The following CTNNA2 variants were observed in gnomAD, a reference collection of about 807,000 sequenced individuals.
CTNNA2 encodes catenin alpha 2, also known as catenin alpha-2.
A neutral mutation model predicts 101.0 loss-of-function variants in CTNNA2; 42 were observed. That is an observed-to-expected ratio of 0.42 (90% CI 0.32 to 0.54). CTNNA2 has a LOEUF of 0.54. CTNNA2 is among the 20% of genes least tolerant of loss of function. CTNNA2 has a pLI of 0.14. For missense variants in CTNNA2, 871 were observed against 1,223.1 expected (o/e 0.71, Z 4.29); for synonymous variants, 450 against 456.4 (o/e 0.99, Z 0.18).
chr2:80,619,090 A>G lies in CTNNA2; in HGVS notation c.2436A>G (p.Gly812=), dbSNP rs1405911149. The G allele has an allele frequency of 6.0e-6, 9 of 1,495,262 alleles. No individual in the cohort carries two copies. Among genetic ancestry groups the G allele is most frequent in the Non-Finnish European group, 8.9e-7 (1 of 1,119,214 alleles). The allele number at this position is 1,495,262 out of a possible 1,614,324, so 92.6% of individuals were successfully genotyped here. Residue 812 remains glycine (G), a synonymous_variant, in exon 18 of 19, where the codon GGA becomes GGG. Transcript: ENST00000402739. The stretch of plus-strand genomic sequence containing the variant: ...CTGTATCTCTCGGAAATCAGACAGG[A>G]GTTCAGAGCACTTTCACTACCTTTT... ...LGGELIVSGT[G]VQSTFTTFYE...
chr2:80,446,458 CTT>C (rs1460837489), intron 9 of CTNNA2, among the ~76,000 whole-genome samples: 1 of 152,204 alleles, frequency 6.6e-6, no homozygotes, highest in African/African-American at 2.4e-5. Flanking sequence ...AGAATATAAT[CTT>C]TTAAGTCTGT....
At chr2:79,433,047 G>A (rs1005831553) in intron 4 of CTNNA2, among the ~76,000 whole-genome samples, 10 of 152,280 alleles carry the variant, frequency 6.6e-5, no homozygotes, top group Admixed American at 1.3e-4. Flanking sequence ...CACAGAAGCC[G>A]ATGCCAGCAT....
At chr2:79,870,698 G>A (rs1310289736) in intron 5 of CTNNA2, among the ~76,000 whole-genome samples, 1 of 152,182 alleles carries the variant, frequency 6.6e-6, no homozygotes, top group Admixed American at 6.5e-5. Context: ...AATCATGGTG[G>A]AAGGGGAAGT....
At chr2:79,892,491 C>A (rs556844637) in intron 6 of CTNNA2, among the ~76,000 whole-genome samples, 1 of 151,656 alleles carries the variant, frequency 6.6e-6, no homozygotes, top group East Asian at 1.9e-4. Context: ...CTTTCTTTTC[C>A]GTATTTTATG....
At chr2:79,533,127 T>G (rs1377343524) in intron 1 of CTNNA2, among the ~76,000 whole-genome samples, 1 of 151,886 alleles carries the variant, frequency 6.6e-6, no homozygotes, top group Non-Finnish European at 1.5e-5. Context: ...TCTGATCCCT[T>G]AAAATGCTTC....
intron 18 of CTNNA2, among the ~76,000 whole-genome samples, chr2:80,622,773 T>C (rs1671263851): frequency 6.6e-6 from 1 of 151,778 alleles, no homozygotes; most frequent in African/African-American, 2.4e-5. Flanking sequence ...TCCAAGTTAT[T>C]ACCTTGGCCA....
chr2:79,849,175 C>T (rs1007904194), intron 3 of CTNNA2, among the ~76,000 whole-genome samples: 1 of 151,926 alleles, frequency 6.6e-6, no homozygotes, highest in African/African-American at 2.4e-5. Context: ...TCTGGAAAAA[C>T]CTAAAGAATG....
At chr2:79,186,922 A>C (rs1460533955) in intron 1 of CTNNA2, among the ~76,000 whole-genome samples, 1 of 152,140 alleles carries the variant, frequency 6.6e-6, no homozygotes, top group Non-Finnish European at 1.5e-5. Context: ...CTAGGCTGAA[A>C]ATTCAGTAAG....
chr2:79,612,042 A>G (rs1678311753), intron 1 of CTNNA2, among the ~76,000 whole-genome samples: 1 of 152,152 alleles, frequency 6.6e-6, no homozygotes, highest in Non-Finnish European at 1.5e-5. Flanking sequence ...ACTGTGCACT[A>G]AATGTTATTC....
At chr2:80,312,496 G>A (rs1160603613) in intron 7 of CTNNA2, among the ~76,000 whole-genome samples, 1 of 152,192 alleles carries the variant, frequency 6.6e-6, no homozygotes, top group East Asian at 1.9e-4. Flanking sequence ...GAACAGATGT[G>A]AACTACTGAT....
Position 79,216,808 on chromosome 2 carries a change from G to A in CTNNA2, c.-406+18732G>A, listed in dbSNP as rs1674267460. 5.9e-5 allele frequency among the ~76,000 whole-genome samples: 9 copies of A among 152,022 alleles called. No individual in the cohort carries two copies. The South Asian group carries it at 1.9e-3, about 32-fold the overall frequency. ...AGCAGAGAAGGGGTAGAGACATGGA[G>A]AGAAGGGGTTGGGGGGTTCATGCCC... On this transcript the variant is annotated intron_variant, in intron 2 of 21. Coordinates refer to the CTNNA2 transcript ENST00000466387.
chr2:80,433,864 T>G (rs768997314), intron 9 of CTNNA2, among the ~76,000 whole-genome samples: 8 of 152,226 alleles, frequency 5.3e-5, no homozygotes, highest in Non-Finnish European at 1.2e-4. Context: ...CCTGATAGTT[T>G]TCAGGGGAAA....
chr2:79,251,950 G>T (rs1674777358), intron 2 of CTNNA2, among the ~76,000 whole-genome samples: 1 of 152,226 alleles, frequency 6.6e-6, no homozygotes, highest in African/African-American at 2.4e-5. Flanking sequence ...TGGAAAATAT[G>T]ATGGAAGTGG....
rs1170921994 is a variant in CTNNA2, at chr2:79,277,920, TGTGAGTGAGGAACAACTAAG to T, written c.-405-34788_-405-34769del. On this transcript the variant is annotated intron_variant, in intron 2 of 21. Transcript: ENST00000466387. ...TCCAAAGCCCTCTAGAGGTTGCAAA[TGTGAGTGAGGAACAACTAAG>T]ATGGTCTGCTCTGGGCTACTGCTGC... Among the ~76,000 whole-genome samples the T allele has an allele frequency of 5.3e-5, 8 of 152,204 alleles. No individual in the cohort carries two copies. In the East Asian group the frequency reaches 1.5e-3, roughly 29 times the overall value.
At chr2:79,636,265 G>T (rs1451767089) in intron 1 of CTNNA2, among the ~76,000 whole-genome samples, 1 of 70,702 alleles carries the variant, frequency 1.4e-5, no homozygotes. Context: ...GTGAGACTCT[G>T]TCTCAAAAAA....
chr2:80,061,714 T>G (rs761305253), intron 7 of CTNNA2, among the ~76,000 whole-genome samples: 44 of 152,202 alleles, frequency 2.9e-4, no homozygotes, highest in Non-Finnish European at 5.1e-4. Context: ...ACTGCAAATA[T>G]TTAAATTTGT....
chr2:79,592,708 T>C (rs1676941213), intron 1 of CTNNA2, among the ~76,000 whole-genome samples: 1 of 152,192 alleles, frequency 6.6e-6, no homozygotes, highest in African/African-American at 2.4e-5. Context: ...TTATAATCCA[T>C]GTAGCAAAAA....
chr2:79,941,307 T>G (rs1688143852), intron 7 of CTNNA2, among the ~76,000 whole-genome samples: 1 of 152,202 alleles, frequency 6.6e-6, no homozygotes. Context: ...TTAACTCTAC[T>G]ATTTCAGGAC....
intron 7 of CTNNA2, among the ~76,000 whole-genome samples, chr2:80,093,666 G>GT (rs1244799018): frequency 3.4e-5 from 5 of 147,490 alleles, no homozygotes; most frequent in African/African-American, 1.3e-4. Flanking sequence ...TCCAGCACCT[G>GT]TTTTTTCCTG....
Sources: gnomAD v4.1 joint callset for allele counts (sites outside exome capture counted in the v4.1 genomes callset) on GRCh38, gnomAD v4.1.1 for gene constraint, MANE v1.5 for transcripts, NCBI Gene and HGNC (gene_info 2026-07-23, HGNC 2026-07-21) for gene names.